Variants in SPOP observed in about 807,000 individuals in gnomAD.
SPOP encodes speckle-type POZ protein.
In SPOP, 11 loss-of-function variants were observed where a neutral mutation model predicts 45.6. The ratio of observed to expected loss-of-function variants is 0.24; its 90% CI spans 0.15 to 0.40. The LOEUF is 0.40. Among genes scored for constraint, SPOP ranks in the 10% least tolerant of loss-of-function variants. SPOP has a pLI of 1.00. For synonymous variants in SPOP, 166 were observed against 166.3 expected (o/e 1.00, Z 0.01); for missense variants, 152 against 465.6 (o/e 0.33, Z 6.20).
intron 5 of SPOP, chr17:49,613,038 A>G (rs1170960703): frequency 1.3e-5 from 2 of 152,238 alleles, no homozygotes; most frequent in Non-Finnish European, 2.9e-5. Flanking sequence ...AGCCAAGTTA[A>G]TCAATTATGA....
Position 49,600,329 on chromosome 17 carries a change from G to GT in SPOP, c.*48dup. On this transcript the variant is annotated 3_prime_UTR_variant, in exon 10 of 10. Transcript: ENST00000504102. The surrounding 1 kb of genome is among the most constrained non-coding windows in gnomAD (Gnocchi z 4.2). ...TACCTGGTGGTCAGTGGCAGCAACA[G>GT]TGGCTGCTGCTTCTGGAAATTAAAC... 1 of 1,609,446 alleles carries GT rather than the reference G, an allele frequency of 6.2e-7. No homozygotes were observed. Among genetic ancestry groups the GT allele is most frequent in the South Asian group, 1.1e-5 (1 of 90,916 alleles).
intron 1 of SPOP, among the ~76,000 whole-genome samples, chr17:49,641,565 CA>C (rs1000839524): frequency 1.3e-4 from 16 of 120,228 alleles, no homozygotes; most frequent in African/African-American, 4.4e-4. Context: ...CTCTATAGCA[CA>C]AAAAAAAAGA....
intron 1 of SPOP, among the ~76,000 whole-genome samples, chr17:49,656,109 G>T (rs764563380): frequency 6.6e-6 from 1 of 152,126 alleles, no homozygotes; most frequent in Admixed American, 6.5e-5. Flanking sequence ...ACCGTGCCCA[G>T]CCAGGTATTC....
At chr17:49,674,246 C>T (rs1449311437) in intron 1 of SPOP, among the ~76,000 whole-genome samples, 1 of 152,218 alleles carries the variant, frequency 6.6e-6, no homozygotes, top group Non-Finnish European at 1.5e-5. Flanking sequence ...ATTCCCTTCT[C>T]TTCAACTTTT....
At position 49,611,011 on chromosome 17, in the gene SPOP, G is replaced by A. The variant is rs563281348; in HGVS notation, c.658+269C>T. On this transcript the variant is annotated intron_variant, in intron 6 of 9. Coordinates refer to ENST00000504102, the MANE Select transcript of SPOP (RefSeq NM_001007228.2). ...GTGCTCTGACATCTACTCTCTAGGG[G>A]CAAAGGCATTCAATACCTTTGTACA... Among the ~76,000 whole-genome samples the A allele has an allele frequency of 2.0e-5, 3 of 152,152 alleles. No homozygotes were observed. The East Asian group carries it at 5.8e-4, about 29-fold the overall frequency.
intron 5 of SPOP, among the ~76,000 whole-genome samples, chr17:49,611,766 A>G (rs1425692090): frequency 1.7e-4 from 26 of 152,210 alleles, no homozygotes; most frequent in Admixed American, 1.7e-3. Context: ...CAGAGAGACA[A>G]AACTAACAGA....
At chr17:49,663,907 C>T (rs1480068960) in intron 1 of SPOP, among the ~76,000 whole-genome samples, 1 of 152,166 alleles carries the variant, frequency 6.6e-6, no homozygotes, top group Non-Finnish European at 1.5e-5. Context: ...CTTCCCAATA[C>T]TTATAGACTT....
intron 1 of SPOP, among the ~76,000 whole-genome samples, chr17:49,676,225 A>G (rs2073197130): frequency 6.6e-6 from 1 of 152,214 alleles, no homozygotes; most frequent in African/African-American, 2.4e-5. Context: ...TACTAAATGG[A>G]TAACAACTAC....
At chr17:49,607,044 A>G (rs2143154453) in intron 8 of SPOP, 1 of 505,254 alleles carries the variant, frequency 2.0e-6, no homozygotes, top group South Asian at 3.5e-5. Context: ...GTGATCATAT[A>G]GTTTACTATT....
At chr17:49,613,367 G>A (rs979511565) in intron 5 of SPOP, among the ~76,000 whole-genome samples, 2 of 152,146 alleles carry the variant, frequency 1.3e-5, no homozygotes, top group South Asian at 2.1e-4. Flanking sequence ...GAAGGGAATG[G>A]AGAATGCTTT....
intron 6 of SPOP, 31 bp downstream of exon 6, chr17:49,611,249 A>C: frequency 6.3e-7 from 1 of 1,591,330 alleles, no homozygotes; most frequent in Non-Finnish European, 8.6e-7. Flanking sequence ...TTTCACCAAA[A>C]CTATAAAATT....
chr17:49,642,047 C>T (rs1202574568), intron 1 of SPOP, among the ~76,000 whole-genome samples: 1 of 150,676 alleles, frequency 6.6e-6, no homozygotes, highest in Admixed American at 6.6e-5. Flanking sequence ...AGTGTAATAC[C>T]TGTTTTTAAT....
chr17:49,622,886 T>C lies in SPOP; in HGVS notation c.-66-10A>G. On this transcript the variant is annotated splice_polypyrimidine_tract_variant and intron_variant, in intron 1 of 9. Coordinates refer to ENST00000504102, the MANE Select transcript of SPOP (RefSeq NM_001007228.2). ...CTGTTCCCTCTTCACCCTGGTCAGA[T>C]CCAAGAAGCAAGAAAACTTTATTAG... 2.5e-6 allele frequency: 3 copies of C among 1,204,904 alleles called. No homozygotes were observed. Among genetic ancestry groups the C allele is most frequent in the Non-Finnish European group, 3.7e-6 (3 of 810,556 alleles). 74.6% of individuals were successfully genotyped at this position (1,204,904 alleles called of 1,614,324 possible).
intron 1 of SPOP, among the ~76,000 whole-genome samples, chr17:49,660,266 C>A (rs993022727): frequency 6.6e-6 from 1 of 152,182 alleles, no homozygotes; most frequent in Non-Finnish European, 1.5e-5. Flanking sequence ...CACATACATA[C>A]CTCATGGTTT....
intron 1 of SPOP, 70 bp downstream of exon 1, chr17:49,677,863 C>T (rs2143606587): frequency 2.5e-6 from 1 of 392,498 alleles, no homozygotes; most frequent in South Asian, 1.3e-4. Context: ...TCAGTCACCT[C>T]TTCAGGGAGG....
intron 6 of SPOP, among the ~76,000 whole-genome samples, chr17:49,608,627 A>G (rs2071900863): frequency 6.6e-6 from 1 of 152,192 alleles, no homozygotes; most frequent in Non-Finnish European, 1.5e-5. Flanking sequence ...GAAGGTTGGA[A>G]GGTTGAGAAA....
intron 1 of SPOP, among the ~76,000 whole-genome samples, chr17:49,666,591 G>A (rs1157417047): frequency 6.6e-6 from 1 of 151,996 alleles, no homozygotes; most frequent in Admixed American, 6.6e-5. Flanking sequence ...ACTTTGAAAG[G>A]CCGAGGCAGG....
chr17:49,657,794 C>T (rs1363555340), intron 1 of SPOP, among the ~76,000 whole-genome samples: 2 of 149,778 alleles, frequency 1.3e-5, no homozygotes, highest in Non-Finnish European at 3.0e-5. Flanking sequence ...TCCACCTCCC[C>T]GGGTTCAAGC....
chr17:49,620,046 T>C (rs1487667647), intron 3 of SPOP, among the ~76,000 whole-genome samples: 1 of 151,976 alleles, frequency 6.6e-6, no homozygotes, highest in Non-Finnish European at 1.5e-5. Flanking sequence ...GGCAGGCGCC[T>C]GTAATCCCAG....
Sources: gnomAD v4.1 joint callset for allele counts (sites outside exome capture counted in the v4.1 genomes callset) on GRCh38, gnomAD v4.1.1 for gene constraint, Gnocchi (gnomAD v3.1) non-coding constraint, MANE v1.5 for transcripts, NCBI Gene and HGNC (gene_info 2026-07-23, HGNC 2026-07-21) for gene names.